CDC34: variants seen among roughly 807,000 people sequenced by gnomAD.
CDC34 encodes cell division cycle 34, ubiquitin conjugating enzyme, also known as ubiquitin-conjugating enzyme E2 R1.
In CDC34, 18 loss-of-function variants were observed where a neutral mutation model predicts 26.8. That is an observed-to-expected ratio of 0.67 (90% CI 0.47 to 1.00). The LOEUF (loss-of-function observed/expected upper bound fraction) is 1.00, where lower values mean the gene tolerates loss of function less well. Among genes scored for constraint, CDC34 ranks in the 50% least tolerant of loss-of-function variants. The pLI is 0.00. For missense variants in CDC34, 280 were observed against 334.5 expected, an observed-to-expected ratio of 0.84 and a Z score of 1.27; for synonymous variants, 178 against 147.5, an observed-to-expected ratio of 1.21 and a Z score of -1.50.
chr19:537,166 G>T lies in CDC34; in HGVS notation c.497+19G>T, dbSNP rs772623433. The T allele has an allele frequency of 1.2e-6, 2 of 1,611,254 alleles. No individual in the cohort carries two copies. The highest frequency in any genetic ancestry group is 1.7e-6 in the Non-Finnish European group (2 of 1,179,426). Reference sequence around the variant, plus strand: ...TCATCCGGTGAGGGCGGGCGGGGGCGTCACGGGAGGAGAGACTCAGATCCG... The same window carrying T: ...TCATCCGGTGAGGGCGGGCGGGGGCTTCACGGGAGGAGAGACTCAGATCCG... On this transcript the variant is annotated intron_variant, in intron 4 of 4. Coordinates refer to ENST00000215574, the MANE Select transcript of CDC34 (RefSeq NM_004359.2).
chr19:537,552 G>C (rs925469366), intron 4 of CDC34, among the ~76,000 whole-genome samples: 116 of 151,374 alleles, frequency 7.7e-4, no homozygotes, highest in African/African-American at 1.5e-3. Flanking sequence ...CGGGGTTTCA[G>C]CGTGTTAGCC....
intron 1 of CDC34, among the ~76,000 whole-genome samples, chr19:534,306 C>CA (rs1979624786): frequency 6.6e-6 from 1 of 152,052 alleles, no homozygotes; most frequent in African/African-American, 2.4e-5. Context: ...GGACACCCCC[C>CA]AAGACACCCC....
chr19:536,387 C>A, intron 3 of CDC34, 47 bp downstream of exon 3: 1 of 1,417,870 alleles, frequency 7.1e-7, no homozygotes, highest in Non-Finnish European at 9.7e-7. Flanking sequence ...TCAGGTAGGC[C>A]GGGCTCCGTC....
intron 4 of CDC34, among the ~76,000 whole-genome samples, chr19:538,099 G>T (rs929368292): frequency 6.6e-6 from 1 of 152,066 alleles, no homozygotes; most frequent in Non-Finnish European, 1.5e-5. Flanking sequence ...GAAGAAATGG[G>T]GTCGTGCTGT....
At chr19:536,151 C>T (rs938893463) in intron 2 of CDC34, 92 bp from the exon 3 acceptor site, 4 of 1,102,066 alleles carry the variant, frequency 3.6e-6, no homozygotes, top group South Asian at 2.8e-5. Context: ...GCCTCACGTC[C>T]TCGTCCTCCA....
intron 4 of CDC34, among the ~76,000 whole-genome samples, chr19:537,651 CTTTT>C (rs773623358): frequency 4.5e-5 from 3 of 67,076 alleles, no homozygotes; most frequent in Admixed American, 2.3e-4. Flanking sequence ...CGCGGCCGGC[CTTTT>C]TTTTTTTTTT....
chr19:535,192 G>A (rs915816551), intron 1 of CDC34, among the ~76,000 whole-genome samples: 1 of 152,224 alleles, frequency 6.6e-6, no homozygotes, highest in African/African-American at 2.4e-5. Flanking sequence ...CAGGGCCTGG[G>A]TGACCACAGG....
Position 535,215 on chromosome 19 carries a change from C to T in CDC34, c.178-622C>T, listed in dbSNP as rs563322844. 2.6e-5 allele frequency among the ~76,000 whole-genome samples: 4 copies of T among 152,360 alleles called. No individual in the cohort carries two copies. In the South Asian group the frequency reaches 8.3e-4, roughly 32 times the overall value. On this transcript the variant is annotated intron_variant, in intron 1 of 4. Transcript: ENST00000215574. ...GGGTGACCACAGGGGGCGATGCTGACAGGGAAGGAGTCCTGCCAGGTTTCT... is the reference window on the plus strand; with the variant it reads ...GGGTGACCACAGGGGGCGATGCTGATAGGGAAGGAGTCCTGCCAGGTTTCT...
At chr19:533,944 A>G (rs1979609964) in intron 1 of CDC34, among the ~76,000 whole-genome samples, 1 of 152,180 alleles carries the variant, frequency 6.6e-6, no homozygotes, top group African/African-American at 2.4e-5. Context: ...CTGTTCCTTC[A>G]GGAGCCAAAG....
Position 541,732 on chromosome 19 carries a change from T to C in CDC34, c.*180T>C, listed in dbSNP as rs1211261860. The C allele has an allele frequency of 1.5e-5, 9 of 604,674 alleles. No homozygotes were observed. The highest frequency in any genetic ancestry group is 3.9e-5 in the Admixed American group (1 of 25,954). The allele number at this position is 604,674 out of a possible 1,614,324, so 37.5% of individuals were successfully genotyped here. On this transcript the variant is annotated 3_prime_UTR_variant, in exon 5 of 5. Transcript: ENST00000215574. Reference sequence around the variant, plus strand: ...TTCACGTGCTTCAGAGAAGAGGGGCTGCCCCACCGCCACTCACGTCACTCG... The same window carrying C: ...TTCACGTGCTTCAGAGAAGAGGGGCCGCCCCACCGCCACTCACGTCACTCG...
intron 1 of CDC34, among the ~76,000 whole-genome samples, chr19:533,384 C>A (rs992149934): frequency 6.6e-6 from 1 of 152,252 alleles, no homozygotes; most frequent in South Asian, 2.1e-4. Flanking sequence ...AGTGTCTGAA[C>A]CGCACCCGCT....
In CDC34 at chr19:532,066, C is replaced by T. The variant is rs6507; in HGVS notation, c.135C>T (p.Ile45=). 137,284 of 1,519,470 alleles carry T rather than the reference C, an allele frequency of 0.09. 6,753 individuals carry two copies. The highest frequency in any genetic ancestry group is 0.17 in the South Asian group (12,810 of 77,092). The allele number at this position is 1,519,470 out of a possible 1,614,324, so 94.1% of individuals were successfully genotyped here. A position where few individuals can be genotyped will look rare whatever the true frequency, so the allele number is the denominator to read the frequency against. The change falls in exon 1 of 5, where the codon ATC becomes ATT. Residue 45 remains isoleucine, a synonymous_variant. Transcript: ENST00000215574. ...ATCTATACAACTGGGAGGTGGCCAT[C>T]TTCGGGCCCCCCAACACCTACTACG... is the stretch of plus-strand genomic sequence containing the variant. ...EGDLYNWEVA[I]FGPPNTYYEG... is the part of the protein sequence containing the mutation.
At chr19:535,715 G>C in intron 1 of CDC34, 122 bp from the exon 2 acceptor site, 1 of 779,742 alleles carries the variant, frequency 1.3e-6, no homozygotes, top group Non-Finnish European at 2.3e-6. Context: ...GGCAGGATAC[G>C]GTGTCCCTCA....
Position 541,689 on chromosome 19 carries a change from C to T in CDC34, c.*137C>T, listed in dbSNP as rs570112334. 15 of 946,056 alleles carry T rather than the reference C, an allele frequency of 1.6e-5. No homozygotes were observed. The African/African-American group carries it at 2.5e-4, about 16-fold the overall frequency. The allele number at this position is 946,056 out of a possible 1,614,324, so 58.6% of individuals were successfully genotyped here. ...TTTCGTTTTGGCTTTTTCTCCCTCC[C>T]CATGTCTGTTCTGGGTTTTCACGTG... is the stretch of plus-strand genomic sequence containing the variant. On this transcript the variant is annotated 3_prime_UTR_variant, in exon 5 of 5. Coordinates refer to ENST00000215574, the MANE Select transcript of CDC34 (RefSeq NM_004359.2).
Position 537,129 on chromosome 19 carries a change from A to G in CDC34, c.479A>G (p.Glu160Gly). 5 of 1,613,564 alleles carry G rather than the reference A, an allele frequency of 3.1e-6. No homozygotes were observed. The highest frequency in any genetic ancestry group is 1.3e-5 in the African/African-American group (1 of 75,068). The change falls in exon 4 of 5, where the codon GAG becomes GGG. Residue 160 changes from glutamate to glycine, a missense_variant. Transcript: ENST00000215574. ...AAAGAGAGCAAGGGGAAGGATCGGGAGTACACAGACATCATCCGGTGAGGG... is the reference window on the plus strand; with the variant it reads ...AAAGAGAGCAAGGGGAAGGATCGGGGGTACACAGACATCATCCGGTGAGGG... Reference protein sequence around the residue: ...KWKESKGKDREYTDIIRKQVL... With the variant: ...KWKESKGKDRGYTDIIRKQVL...
chr19:531,895 C>G lies in CDC34; in HGVS notation c.-37C>G, dbSNP rs930917201. On this transcript the variant is annotated 5_prime_UTR_variant, in exon 1 of 5. Transcript: ENST00000215574. ...GCGAACTCGCGGTGGTCGCGCGGCCCCGCGCTGCTCCGACCCCGGGCCCCT... is the reference window on the plus strand; with the variant it reads ...GCGAACTCGCGGTGGTCGCGCGGCCGCGCGCTGCTCCGACCCCGGGCCCCT... 5.3e-6 allele frequency: 7 copies of G among 1,315,962 alleles called. No homozygotes were observed. In the African/African-American group the frequency reaches 7.8e-5, roughly 15 times the overall value. The allele number at this position is 1,315,962 out of a possible 1,614,324, so 81.5% of individuals were successfully genotyped here. A position where few individuals can be genotyped will look rare whatever the true frequency, so the allele number is the denominator to read the frequency against.
At chr19:537,357 CT>C (rs922113194) in intron 4 of CDC34, among the ~76,000 whole-genome samples, 50 of 151,638 alleles carry the variant, frequency 3.3e-4, no homozygotes, top group Non-Finnish European at 3.1e-4. Flanking sequence ...CCCTTTTCCT[CT>C]TTTTTTTTGT....
In CDC34 at chr19:535,881, CT is replaced by C. The variant is rs1223140949; in HGVS notation, c.225del (p.Arg76GlyfsTer3). 6.2e-7 allele frequency: 1 copy of C among 1,614,006 alleles called. No homozygotes were observed. Among genetic ancestry groups the C allele is most frequent in the African/African-American group, 1.3e-5 (1 of 75,080 alleles). On this transcript the variant is annotated frameshift_variant, in exon 2 of 5. Coordinates refer to ENST00000215574, the MANE Select transcript of CDC34 (RefSeq NM_004359.2). LOFTEE classifies it high-confidence loss of function. ...TCGACTACCCATACTCTCCACCAGCCTTTCGGTTCCTGACCAAGATGTGGCA... is the reference window on the plus strand; with the variant it reads ...TCGACTACCCATACTCTCCACCAGCCTTCGGTTCCTGACCAAGATGTGGCA... ...PIDYPYSPPA[F>X]RFLTKMWHPN... is the part of the protein sequence containing the mutation.
At chr19:533,813 G>T (rs1219428231) in intron 1 of CDC34, among the ~76,000 whole-genome samples, 3 of 152,232 alleles carry the variant, frequency 2.0e-5, no homozygotes, top group African/African-American at 7.2e-5. Flanking sequence ...TGAGACGGGG[G>T]TGCTGCCACC....
Sources: gnomAD v4.1 joint callset for allele counts (sites outside exome capture counted in the v4.1 genomes callset) on GRCh38, gnomAD v4.1.1 for gene constraint, MANE v1.5 for transcripts, NCBI Gene and HGNC (gene_info 2026-07-23, HGNC 2026-07-21) for gene names.